ABI3BP: variants seen among roughly 807,000 people sequenced by gnomAD.
ABI3BP encodes target of Nesh-SH3.
ABI3BP carries 216 observed loss-of-function variants against 268.6 expected under a neutral mutation model. That is an observed-to-expected ratio of 0.80 (90% CI 0.72 to 0.90). The LOEUF is 0.90. Ranked by LOEUF, ABI3BP falls within the 40% of genes least tolerant of loss-of-function variation. The pLI, the probability that ABI3BP is intolerant of heterozygous loss-of-function variation, is 0.00. For missense variants in ABI3BP, 2,090 were observed against 2,182.4 expected, an observed-to-expected ratio of 0.96 and a Z score of 0.84; for synonymous variants, 730 against 730.0, an observed-to-expected ratio of 1.00 and a Z score of 0.00.
chr3:100,768,190 T>A (rs879756618), intron 62 of ABI3BP, among the ~76,000 whole-genome samples: 2 of 146,134 alleles, frequency 1.4e-5, no homozygotes, highest in African/African-American at 2.5e-5. Context: ...CTGGGTTCAC[T>A]CCATTCTCCT....
intron 1 of ABI3BP, among the ~76,000 whole-genome samples, chr3:100,971,118 G>A (rs750377333): frequency 6.6e-6 from 1 of 152,112 alleles, no homozygotes; most frequent in Non-Finnish European, 1.5e-5. Context: ...AGCATGCCTC[G>A]CAAGTGTCAG....
chr3:100,817,534 T>G (rs2098093554), intron 41 of ABI3BP, 39 bp from the exon 42 acceptor site: 1 of 1,344,820 alleles, frequency 7.4e-7, no homozygotes, highest in Non-Finnish European at 1.0e-6. Flanking sequence ...AAGATTTAAC[T>G]TGAATATTAA....
At chr3:100,813,640 C>T in intron 45 of ABI3BP, 21 bp downstream of exon 45, 1 of 1,520,152 alleles carries the variant, frequency 6.6e-7, no homozygotes, top group Non-Finnish European at 8.8e-7. Flanking sequence ...TATACCCAGA[C>T]AGATAAAACA....
chr3:100,843,526 T>TG (rs2098732113), intron 20 of ABI3BP: 2 of 934,832 alleles, frequency 2.1e-6, no homozygotes, highest in Non-Finnish European at 2.5e-6. Flanking sequence ...AGGATGTGTG[T>TG]GTGTGTGTGT....
In ABI3BP at chr3:100,961,174, G is replaced by A. The variant is rs556968163; in HGVS notation, c.79+32132C>T. Among the ~76,000 whole-genome samples, 7 of 152,326 alleles carry A rather than the reference G, an allele frequency of 4.6e-5. 1 individual carries two copies. The East Asian group carries it at 1.3e-3, about 29-fold the overall frequency. ...TAGGCTAAAGAAAGAAGTTGCTGGG[G>A]CCTGATTTCAGGCACTGAAATACTA... On this transcript the variant is annotated intron_variant, in intron 1 of 67. Transcript: ENST00000471714.
intron 11 of ABI3BP, chr3:100,864,619 C>A: frequency 1.9e-6 from 1 of 516,570 alleles, no homozygotes; most frequent in Non-Finnish European, 3.4e-6. Flanking sequence ...CAGATTTGCC[C>A]AGAAGTTCAG....
chr3:100,837,200 G>A (rs1330287176), intron 26 of ABI3BP, 29 bp from the exon 27 acceptor site: 7 of 1,517,480 alleles, frequency 4.6e-6, no homozygotes, highest in Non-Finnish European at 6.2e-6. Flanking sequence ...ACAGATATAA[G>A]TAATAAAAGC....
chr3:100,906,501 T>C (rs1291708891), intron 2 of ABI3BP, among the ~76,000 whole-genome samples: 1 of 152,236 alleles, frequency 6.6e-6, no homozygotes, highest in African/African-American at 2.4e-5. Flanking sequence ...AAATTCTTTG[T>C]GGATTTATAG....
chr3:100,752,896 T>C lies in ABI3BP; in HGVS notation c.5013A>G (p.Ser1671=). The C allele has an allele frequency of 6.2e-7, 1 of 1,613,518 alleles. No individual in the cohort carries two copies. The highest frequency in any genetic ancestry group is 8.5e-7 in the Non-Finnish European group (1 of 1,179,666). ...TERPFNSDSY[S]ECKGKQYVKR... Reference sequence around the variant, plus strand: ...TGACATATTGTTTGCCCTTACACTCTGAGTAAGAGTCTGAATTAAAGGGTC... The same window carrying C: ...TGACATATTGTTTGCCCTTACACTCCGAGTAAGAGTCTGAATTAAAGGGTC... Residue 1671 remains serine (S), a synonymous_variant, in exon 66 of 68, where the codon TCA becomes TCG. Transcript: ENST00000471714.
Position 100,780,157 on chromosome 3 carries a change from G to T in ABI3BP, c.4215C>A (p.Asp1405Glu). 2 of 1,612,932 alleles carry T rather than the reference G, an allele frequency of 1.2e-6. No homozygotes were observed. The highest frequency in any genetic ancestry group is 1.7e-6 in the Non-Finnish European group (2 of 1,179,188). The change falls in exon 58 of 68, where the codon GAC becomes GAA. Residue 1405 changes from aspartate (D) to glutamate (E), a missense_variant. Transcript: ENST00000471714. The part of the protein sequence containing the change: ...PSGADRNVSV[D>E]STHPTKKPGT... ...CTGGCTTTTTAGTGGGGTGGGTAGA[G>T]TCCACTGATACATTTCTATCAGCAC...
intron 1 of ABI3BP, among the ~76,000 whole-genome samples, chr3:100,941,516 G>A (rs924465474): frequency 3.7e-4 from 56 of 152,102 alleles, no homozygotes; most frequent in African/African-American, 1.3e-3. Flanking sequence ...TCCTAATGGG[G>A]CACTTTATAT....
chr3:100,858,197 T>A (rs898943081), intron 14 of ABI3BP, among the ~76,000 whole-genome samples: 2 of 152,238 alleles, frequency 1.3e-5, no homozygotes, highest in African/African-American at 2.4e-5. Context: ...AAGGTTTTCA[T>A]GATTACCTTT....
chr3:100,792,598 T>G (rs1217647867), intron 55 of ABI3BP, 93 bp downstream of exon 55: 1 of 1,276,910 alleles, frequency 7.8e-7, no homozygotes, highest in Non-Finnish European at 1.1e-6. Flanking sequence ...AGTAATCCAC[T>G]GTGTTGAGAA....
chr3:100,814,408 A>G (rs1216349525), intron 44 of ABI3BP, among the ~76,000 whole-genome samples: 3 of 152,064 alleles, frequency 2.0e-5, no homozygotes. Flanking sequence ...ATTGACAAGT[A>G]TTGATACTTG....
chr3:100,853,025 C>T (rs891228416), intron 14 of ABI3BP, among the ~76,000 whole-genome samples: 2 of 152,186 alleles, frequency 1.3e-5, no homozygotes, highest in African/African-American at 4.8e-5. Context: ...CACAGGAAGA[C>T]GTAGTCATTG....
rs747286702 is a variant in ABI3BP at position 100,833,120 on chromosome 3, A to G, written c.2314+5T>C. On this transcript the variant is annotated splice_donor_5th_base_variant and intron_variant, in intron 30 of 67. Coordinates refer to ENST00000471714, the MANE Select transcript of ABI3BP (RefSeq NM_001375547.2). Reference sequence around the variant, plus strand: ...GACTTGCTGAAGGACATAGAGAGTCATTACCTGAAGATGTCCCAGGAGTAA... The same window carrying G: ...GACTTGCTGAAGGACATAGAGAGTCGTTACCTGAAGATGTCCCAGGAGTAA... 4.6e-6 allele frequency: 7 copies of G among 1,534,552 alleles called. No individual in the cohort carries two copies. The South Asian group carries it at 4.8e-5, about 10-fold the overall frequency.
At chr3:100,983,798 C>G (rs529127546) in intron 1 of ABI3BP, among the ~76,000 whole-genome samples, 1 of 152,272 alleles carries the variant, frequency 6.6e-6, no homozygotes, top group Admixed American at 6.5e-5. Context: ...ACAGTCACAG[C>G]TCCTCAGATC....
chr3:100,921,661 T>A (rs2060269827), intron 2 of ABI3BP, among the ~76,000 whole-genome samples: 1 of 152,150 alleles, frequency 6.6e-6, no homozygotes, highest in Admixed American at 6.5e-5. Flanking sequence ...TCTAGTACAA[T>A]CTTAAATTTT....
At chr3:100,968,220 GAT>G (rs1449578959) in intron 1 of ABI3BP, among the ~76,000 whole-genome samples, 5 of 152,108 alleles carry the variant, frequency 3.3e-5, no homozygotes, top group Non-Finnish European at 5.9e-5. Context: ...AATCCTGAAT[GAT>G]CCATTTCAGA....
Sources: allele counts gnomAD v4.1 joint callset (sites outside exome capture counted in the v4.1 genomes callset), GRCh38; gene constraint gnomAD v4.1.1; transcripts MANE v1.5; gene names NCBI Gene and HGNC (gene_info 2026-07-23, HGNC 2026-07-21).